Variants in ACYP2 observed in about 807,000 individuals in gnomAD.
The protein encoded by ACYP2 is acylphosphatase-2.
ACYP2 carries 12 observed loss-of-function variants against 11.2 expected under a neutral mutation model. That is an observed-to-expected ratio of 1.08 (90% CI 0.69 to 1.74). The LOEUF (loss-of-function observed/expected upper bound fraction) is 1.74, where lower values mean the gene tolerates loss of function less well. Ranked by LOEUF, ACYP2 falls within the 40% of genes most tolerant of loss-of-function variation. ACYP2 has a pLI of 0.00. For synonymous variants in ACYP2, 43 were observed against 32.2 expected (o/e 1.33, Z -1.13); for missense variants, 134 against 101.9 (o/e 1.31, Z -1.35).
intron 6 of ACYP2, among the ~76,000 whole-genome samples, chr2:54,203,134 T>C (rs1432588715): frequency 6.6e-6 from 1 of 152,182 alleles, no homozygotes; most frequent in Non-Finnish European, 1.5e-5. Flanking sequence ...TAGATCTTTT[T>C]AAATTTCTTC....
At chr2:54,116,197 T>G (rs1334619604) in intron 4 of ACYP2, among the ~76,000 whole-genome samples, 2 of 152,216 alleles carry the variant, frequency 1.3e-5, no homozygotes, top group Non-Finnish European at 2.9e-5. Context: ...AAACCTTTTT[T>G]TAGACCTCTT....
intron 2 of ACYP2, among the ~76,000 whole-genome samples, chr2:54,019,609 TTTATTA>T (rs141725920): frequency 3.4e-5 from 5 of 148,546 alleles, no homozygotes; most frequent in African/African-American, 9.9e-5. Flanking sequence ...CCCCTGTGCT[TTTATTA>T]TTATTATTAT....
intron 6 of ACYP2, among the ~76,000 whole-genome samples, chr2:54,180,446 C>G (rs843680): frequency 0.22 from 33,518 of 151,988 alleles, 4,328 homozygotes; most frequent in South Asian, 0.43. Context: ...CTGGGGGTTG[C>G]CAGGCATCAG....
At chr2:53,973,907 A>ATTTT (rs1205008152) in intron 2 of ACYP2, 1 of 41,194 alleles carries the variant, frequency 2.4e-5, no homozygotes, top group African/African-American at 1.0e-4. Flanking sequence ...GTGTGTATAT[A>ATTTT]TTTTTTTTTT....
intron 6 of ACYP2, among the ~76,000 whole-genome samples, chr2:54,276,399 C>T (rs1476190962): frequency 1.3e-5 from 2 of 152,128 alleles, no homozygotes; most frequent in African/African-American, 4.8e-5. Context: ...CTTATTTACA[C>T]ACTGGGGGAA....
intron 4 of ACYP2, chr2:54,057,464 T>A: frequency 5.1e-6 from 2 of 391,014 alleles, no homozygotes; most frequent in Non-Finnish European, 9.0e-6. Context: ...AGAACTTATC[T>A]GTTAGAGACA....
chr2:54,065,778 G>C (rs1676713093), intron 4 of ACYP2: 1 of 337,532 alleles, frequency 3.0e-6, no homozygotes, highest in Non-Finnish European at 5.3e-6. Context: ...TTCTATTTAA[G>C]AGCATTGTTT....
intron 4 of ACYP2, among the ~76,000 whole-genome samples, chr2:54,109,523 G>A (rs999811772): frequency 6.6e-6 from 1 of 152,032 alleles, no homozygotes; most frequent in South Asian, 2.1e-4. Context: ...ACTTATTCAT[G>A]TAACCAAACA....
intron 6 of ACYP2, chr2:54,254,742 G>A: frequency 1.6e-6 from 1 of 613,708 alleles, no homozygotes; most frequent in Non-Finnish European, 2.8e-6. Context: ...GGTGAAAGGG[G>A]AGCAGCACAG....
intron 6 of ACYP2, among the ~76,000 whole-genome samples, chr2:54,196,583 G>T (rs1684490081): frequency 6.6e-6 from 1 of 152,192 alleles, no homozygotes; most frequent in African/African-American, 2.4e-5. Flanking sequence ...AGGATACTGT[G>T]CTAGATAGGG....
At chr2:54,137,656 C>G (rs1259754380) in intron 5 of ACYP2, among the ~76,000 whole-genome samples, 1 of 152,138 alleles carries the variant, frequency 6.6e-6, no homozygotes, top group East Asian at 1.9e-4. Flanking sequence ...TGTATATGTA[C>G]CACATTTTCT....
In ACYP2 at chr2:53,975,944, A is replaced by G. The variant is rs961304144; in HGVS notation, c.62+2134A>G. Among the ~76,000 whole-genome samples, 3 of 152,232 alleles carry G rather than the reference A, an allele frequency of 2.0e-5. No individual in the cohort carries two copies. The East Asian group carries it at 5.8e-4, about 29-fold the overall frequency. On this transcript the variant is annotated intron_variant, in intron 2 of 6. Transcript: ENST00000607452. ...TATAATCACTCTTCTTGCAAGACCC[A>G]GAAAATGCAGTGGCCCTTCAAAGAA...
intron 6 of ACYP2, among the ~76,000 whole-genome samples, chr2:54,266,898 C>T (rs995634236): frequency 2.0e-5 from 3 of 151,908 alleles, no homozygotes; most frequent in African/African-American, 4.8e-5. Context: ...CATGAGCCAC[C>T]GCACCCGGCC....
chr2:54,126,723 G>A (rs1254926598), intron 4 of ACYP2, among the ~76,000 whole-genome samples: 2 of 151,984 alleles, frequency 1.3e-5, no homozygotes, highest in African/African-American at 4.8e-5. Context: ...CTAGGCGGGC[G>A]GATCACCTGA....
In ACYP2 at chr2:54,021,869, C is replaced by T. The variant is rs147802098; in HGVS notation, c.63-29089C>T. Among the ~76,000 whole-genome samples, 390 of 152,260 alleles carry T rather than the reference C, an allele frequency of 2.6e-3. 3 individuals are homozygous for T. Among genetic ancestry groups the T allele is most frequent in the Non-Finnish European group, 4.4e-3 (296 of 68,026 alleles). On this transcript the variant is annotated intron_variant, in intron 2 of 6. Transcript: ENST00000607452. ...AAATTTAGTTGAACCATCTGGGCAA[C>T]TCTTAATAAATAGTGAGAACAGACT...
At chr2:53,983,896 G>C (rs1671884441) in intron 2 of ACYP2, among the ~76,000 whole-genome samples, 1 of 152,170 alleles carries the variant, frequency 6.6e-6, no homozygotes, top group African/African-American at 2.4e-5. Flanking sequence ...TAGGAACACA[G>C]AAAATGTATA....
chr2:54,285,777 A>G (rs1219698085), intron 6 of ACYP2, among the ~76,000 whole-genome samples: 1 of 152,188 alleles, frequency 6.6e-6, no homozygotes, highest in Non-Finnish European at 1.5e-5. Flanking sequence ...CTGCAAACAT[A>G]TATAATCTTC....
At chr2:54,112,434 G>A (rs180959436) in intron 4 of ACYP2, among the ~76,000 whole-genome samples, 15 of 149,834 alleles carry the variant, frequency 1.0e-4, no homozygotes, top group East Asian at 7.7e-4. Flanking sequence ...ACAGCCCTTC[G>A]AAAAACAGTT....
intron 6 of ACYP2, among the ~76,000 whole-genome samples, chr2:54,263,123 G>T (rs1204520619): frequency 6.6e-6 from 1 of 152,256 alleles, no homozygotes; most frequent in Admixed American, 6.5e-5. Flanking sequence ...AAGTGTAATT[G>T]GTTCAGCAGG....
Sources: allele counts gnomAD v4.1 joint callset (sites outside exome capture counted in the v4.1 genomes callset), GRCh38; gene constraint gnomAD v4.1.1; transcripts MANE v1.5; gene names NCBI Gene and HGNC (gene_info 2026-07-23, HGNC 2026-07-21).